Variants in LRMDA observed in about 807,000 individuals in gnomAD.
LRMDA encodes the protein leucine-rich melanocyte differentiation-associated protein.
LRMDA carries 18 observed loss-of-function variants against 29.8 expected under a neutral mutation model. The ratio of observed to expected loss-of-function variants is 0.60; its 90% CI spans 0.42 to 0.90. LRMDA has a LOEUF of 0.90. Ranked by LOEUF, LRMDA falls within the 40% of genes least tolerant of loss-of-function variation. LRMDA has a pLI of 0.00. For missense variants in LRMDA, 273 were observed against 273.9 expected, an observed-to-expected ratio of 1.00 and a Z score of 0.02; for synonymous variants, 125 against 109.4, an observed-to-expected ratio of 1.14 and a Z score of -0.89.
chr10:76,049,752 T>C (rs552193988), intron 4 of LRMDA, among the ~76,000 whole-genome samples: 2 of 152,128 alleles, frequency 1.3e-5, no homozygotes, highest in East Asian at 3.9e-4. Context: ...TGCAGCTGCC[T>C]TTTTTTTCTT....
At chr10:75,715,835 C>A (rs1842493542) in intron 2 of LRMDA, among the ~76,000 whole-genome samples, 1 of 146,738 alleles carries the variant, frequency 6.8e-6, no homozygotes, top group Non-Finnish European at 1.5e-5. Flanking sequence ...CTCTTTCCTC[C>A]CTTCTTGAAT....
intron 2 of LRMDA, among the ~76,000 whole-genome samples, chr10:75,928,287 G>GT (rs5786203): frequency 0.93 from 136,936 of 146,912 alleles, 63,811 homozygotes; most frequent in East Asian, 1. Flanking sequence ...TTAGTTTTGG[G>GT]TTTTTTTTTT....
intron 5 of LRMDA, among the ~76,000 whole-genome samples, chr10:76,251,686 C>T (rs1184299843): frequency 6.6e-6 from 1 of 152,178 alleles, no homozygotes. Flanking sequence ...TGAAGGGGAC[C>T]GGACAAGGGA....
At chr10:76,540,371 T>C (rs998502822) in intron 6 of LRMDA, among the ~76,000 whole-genome samples, 5 of 152,024 alleles carry the variant, frequency 3.3e-5, no homozygotes, top group South Asian at 2.1e-4. Flanking sequence ...CTGGTTATTT[T>C]TGGTGGTGAA....
chr10:75,691,124 AC>A (rs1454778407), intron 2 of LRMDA, among the ~76,000 whole-genome samples: 3 of 99,662 alleles, frequency 3.0e-5, no homozygotes, highest in Non-Finnish European at 5.5e-5. Context: ...ATATCTATAT[AC>A]ATAGATATAT....
intron 5 of LRMDA, among the ~76,000 whole-genome samples, chr10:76,107,012 G>T (rs955629701): frequency 6.6e-6 from 1 of 152,150 alleles, no homozygotes; most frequent in Non-Finnish European, 1.5e-5. Flanking sequence ...CTGCCCAGAC[G>T]CAACGAGAGC....
intron 2 of LRMDA, among the ~76,000 whole-genome samples, chr10:75,557,759 A>C (rs1840232982): frequency 6.6e-6 from 1 of 152,164 alleles, no homozygotes; most frequent in Admixed American, 6.6e-5. Flanking sequence ...CCCTTTAAGC[A>C]AGTGCCTCTG....
intron 2 of LRMDA, among the ~76,000 whole-genome samples, chr10:75,542,043 TCAAA>T (rs1840023757): frequency 6.6e-6 from 1 of 152,144 alleles, no homozygotes; most frequent in Non-Finnish European, 1.5e-5. Flanking sequence ...TAGAAGGAAA[TCAAA>T]CAATTATCCA....
rs992214189 is a variant in LRMDA at position 75,708,099 on chromosome 10, T to C, written c.131+269605T>C. 3.3e-5 allele frequency among the ~76,000 whole-genome samples: 5 copies of C among 152,182 alleles called. No homozygotes were observed. The South Asian group carries it at 8.3e-4, about 25-fold the overall frequency. ...GAGCCAAAGGTTTCAGGCTCAATCC[T>C]TGAGCAAAGGGCCGCTCTGACAGGG... On this transcript the variant is annotated intron_variant, in intron 2 of 6. Coordinates refer to ENST00000611255, the MANE Select transcript of LRMDA (RefSeq NM_001305581.2).
chr10:75,742,202 T>C (rs972120893), intron 2 of LRMDA, among the ~76,000 whole-genome samples: 1 of 152,178 alleles, frequency 6.6e-6, no homozygotes, highest in Non-Finnish European at 1.5e-5. Flanking sequence ...CACGTCAAAG[T>C]TTTTCATACA....
At chr10:76,250,024 T>C (rs1286871410) in intron 5 of LRMDA, among the ~76,000 whole-genome samples, 1 of 152,200 alleles carries the variant, frequency 6.6e-6, no homozygotes, top group Non-Finnish European at 1.5e-5. Flanking sequence ...CACCTTGGTC[T>C]TGAACTCCTG....
chr10:76,470,506 C>G (rs1287138791), intron 6 of LRMDA: 1 of 151,786 alleles, frequency 6.6e-6, no homozygotes, highest in East Asian at 1.9e-4. Flanking sequence ...AAATGTCCAT[C>G]AAGGGATTAA....
At chr10:75,911,397 G>A (rs1845841196) in intron 2 of LRMDA, among the ~76,000 whole-genome samples, 1 of 152,156 alleles carries the variant, frequency 6.6e-6, no homozygotes, top group Non-Finnish European at 1.5e-5. Context: ...CACAGACAGT[G>A]CTACCTGAGA....
chr10:76,426,928 A>G (rs1454839000), intron 6 of LRMDA, among the ~76,000 whole-genome samples: 1 of 151,938 alleles, frequency 6.6e-6, no homozygotes, highest in Non-Finnish European at 1.5e-5. Context: ...GTGTGGTATT[A>G]TTTCTGAGGG....
chr10:76,048,920 G>A (rs763191430), intron 4 of LRMDA, among the ~76,000 whole-genome samples: 2 of 151,932 alleles, frequency 1.3e-5, no homozygotes, highest in Non-Finnish European at 2.9e-5. Context: ...AAAGGGCTTG[G>A]CACCTTTTTT....
At chr10:75,723,538 C>A (rs904085752) in intron 2 of LRMDA, among the ~76,000 whole-genome samples, 4 of 152,178 alleles carry the variant, frequency 2.6e-5, no homozygotes, top group African/African-American at 9.7e-5. Flanking sequence ...GACAGGACAC[C>A]ACTGTCTTGC....
rs1564576659 is a variant in LRMDA at position 76,558,523 on chromosome 10, A to AGAT, written c.*1237_*1239dup. 1 of 152,326 alleles carries AGAT rather than the reference A, an allele frequency of 6.6e-6. No individual in the cohort carries two copies. The highest frequency in any genetic ancestry group is 1.5e-5 in the Non-Finnish European group (1 of 68,040). The allele number at this position is 152,326 out of a possible 1,614,324, so 9.4% of individuals were successfully genotyped here. A position where few individuals can be genotyped will look rare whatever the true frequency, so the allele number is the denominator to read the frequency against. On this transcript the variant is annotated 3_prime_UTR_variant, in exon 7 of 7. Transcript: ENST00000611255. ...GGTGCACCAGTCAAATCACTCTAGA[A>AGAT]GATGTTCAAAAGGTTGATTGATTGT... is the stretch of plus-strand genomic sequence containing the variant.
At chr10:75,979,483 T>C (rs1364859629) in intron 2 of LRMDA, among the ~76,000 whole-genome samples, 1 of 152,220 alleles carries the variant, frequency 6.6e-6, no homozygotes, top group East Asian at 1.9e-4. Context: ...TTAAATATAT[T>C]ACTTTTAATT....
intron 6 of LRMDA, among the ~76,000 whole-genome samples, chr10:76,446,805 C>T (rs1282021813): frequency 6.6e-6 from 1 of 152,210 alleles, no homozygotes; most frequent in African/African-American, 2.4e-5. Context: ...GGAAGTGGCA[C>T]ATGTTAATTC....
Sources: allele counts gnomAD v4.1 joint callset (sites outside exome capture counted in the v4.1 genomes callset), GRCh38; gene constraint gnomAD v4.1.1; transcripts MANE v1.5; gene names NCBI Gene and HGNC (gene_info 2026-07-23, HGNC 2026-07-21).